TJP3: variants seen among roughly 807,000 people sequenced by gnomAD.
TJP3 encodes tight junction protein 3, also known as tight junction protein ZO-3.
TJP3 carries 85 observed loss-of-function variants against 104.2 expected under a neutral mutation model. That is an observed-to-expected ratio of 0.82 (90% CI 0.68 to 0.98). The LOEUF is 0.98. TJP3 is among the 50% of genes least tolerant of loss of function. The pLI is 0.00. For synonymous variants in TJP3, 550 were observed against 550.6 expected, an observed-to-expected ratio of 1.00 and a Z score of 0.02; for missense variants, 1,367 against 1,322.8, an observed-to-expected ratio of 1.03 and a Z score of -0.52.
Position 3,734,436 on chromosome 19 carries a change from G to A in TJP3, c.986+1G>A, listed in dbSNP as rs201579834. The A allele has an allele frequency of 1.3e-5, 21 of 1,604,082 alleles. No homozygotes were observed. In the East Asian group the frequency reaches 3.6e-4, roughly 27 times the overall value. On this transcript the variant is annotated splice_donor_variant, in intron 8 of 20. Coordinates refer to ENST00000541714, the MANE Select transcript of TJP3 (RefSeq NM_001267560.2). LOFTEE classifies it high-confidence loss of function. ...AGGCCAGCCAGACCGACTCTCCCGT[G>A]TAAGTATCACCCATCGGCCAGAATG...
intron 19 of TJP3, among the ~76,000 whole-genome samples, chr19:3,748,703 G>A (rs2145708844): frequency 6.6e-6 from 1 of 151,118 alleles, no homozygotes; most frequent in East Asian, 1.9e-4. Flanking sequence ...TGAGTAGCTA[G>A]GATTACAGGC....
At position 3,746,995 on chromosome 19, in the gene TJP3, A is replaced by G; in HGVS notation, c.2322+119A>G. The stretch of plus-strand genomic sequence containing the variant: ...TTGGTCAGGGATCAGGACTGTGGCC[A>G]GAGTCAAGATGGGACCTGAGACAAG... On this transcript the variant is annotated intron_variant, in intron 18 of 20. Transcript: ENST00000541714. This position sits in a 1 kb window ranked among gnomAD's most constrained non-coding sequence, Gnocchi z 4.1. 1 of 967,346 alleles carries G rather than the reference A, an allele frequency of 1.0e-6. No individual in the cohort carries two copies. The highest frequency in any genetic ancestry group is 2.1e-5 in the Admixed American group (1 of 47,104). 59.9% of individuals were successfully genotyped at this position (967,346 alleles called of 1,614,324 possible).
intron 1 of TJP3, among the ~76,000 whole-genome samples, chr19:3,713,159 A>G (rs752339425): frequency 6.6e-6 from 1 of 152,028 alleles, no homozygotes; most frequent in Non-Finnish European, 1.5e-5. Context: ...CTTAGGGCTG[A>G]GCCGGCCACA....
intron 8 of TJP3, 90 bp from the exon 9 acceptor site, chr19:3,735,476 G>C (rs1340942306): frequency 3.1e-6 from 4 of 1,306,548 alleles, no homozygotes; most frequent in Non-Finnish European, 3.3e-6. Context: ...TAGGATTACA[G>C]GCATGAACCA....
At chr19:3,750,084 G>A (rs201207259) in intron 19 of TJP3, 54 bp from the exon 20 acceptor site, 1 of 1,611,584 alleles carries the variant, frequency 6.2e-7, no homozygotes, top group African/African-American at 1.3e-5. Flanking sequence ...TATTGATCTC[G>A]ACTCACCATG....
intron 20 of TJP3, 55 bp downstream of exon 20, chr19:3,750,239 C>A (rs533807682): frequency 5.1e-5 from 82 of 1,608,494 alleles, no homozygotes; most frequent in Non-Finnish European, 3.4e-6. Context: ...GGGACTCAGA[C>A]TCTGCGGACT....
intron 11 of TJP3, 125 bp downstream of exon 11, chr19:3,736,446 T>G: frequency 3.0e-6 from 3 of 997,274 alleles, no homozygotes; most frequent in Non-Finnish European, 4.0e-6. Flanking sequence ...AGATGGGTAT[T>G]TGAACATTTC....
At chr19:3,744,557 G>A (rs181027825) in intron 15 of TJP3, among the ~76,000 whole-genome samples, 5 of 151,942 alleles carry the variant, frequency 3.3e-5, no homozygotes, top group African/African-American at 7.2e-5. Context: ...CCAGCTACTC[G>A]GGAGGCTGAG....
intron 1 of TJP3, among the ~76,000 whole-genome samples, chr19:3,718,214 T>TGTGG (rs2036505282): frequency 2.6e-5 from 1 of 38,418 alleles, no homozygotes; most frequent in Non-Finnish European, 4.5e-5. Context: ...AAAAAAAAAG[T>TGTGG]GTGTGTGTGT....
intron 19 of TJP3, 81 bp from the exon 20 acceptor site, chr19:3,750,057 G>A (rs2036969598): frequency 1.9e-6 from 3 of 1,579,908 alleles, no homozygotes; most frequent in Admixed American, 1.7e-5. Flanking sequence ...CAAGGTGGGG[G>A]ATGGGATGGA....
rs55649429 is a variant in TJP3, at chr19:3,711,644, G to C, written c.-10+3083G>C. 4.8e-5 allele frequency among the ~76,000 whole-genome samples: 7 copies of C among 146,936 alleles called. No homozygotes were observed. In the East Asian group the frequency reaches 1.5e-3, roughly 31 times the overall value. On this transcript the variant is annotated intron_variant, in intron 1 of 20. Coordinates refer to ENST00000541714, the MANE Select transcript of TJP3 (RefSeq NM_001267560.2). ...GCGGTGGCTCACGCCTGTAATCCCA[G>C]CACTTTGGGAGGCCGAGACGGGTGG... is the stretch of plus-strand genomic sequence containing the variant.
At chr19:3,732,101 A>AAC in intron 6 of TJP3, 63 bp downstream of exon 6, 1 of 1,379,898 alleles carries the variant, frequency 7.2e-7, no homozygotes, top group Non-Finnish European at 1.0e-6. Flanking sequence ...GGGCAGTCCC[A>AAC]CGGAGTCATA....
In TJP3 at chr19:3,750,221, C is replaced by T. The variant is rs151081879; in HGVS notation, c.2657+37C>T. ...ATATTCCAGATTGGGGCCCTCAACC[C>T]TTCCCTTGGGACTCAGACTCTGCGG... On this transcript the variant is annotated intron_variant, in intron 20 of 20. Transcript: ENST00000541714. The T allele has an allele frequency of 8.3e-4, 1,340 of 1,613,666 alleles. 21 individuals carry two copies. In the East Asian group the frequency reaches 0.022, roughly 26 times the overall value.
At position 3,736,249 on chromosome 19, in the gene TJP3, C is replaced by G; in HGVS notation, c.1212C>G (p.Ile404Met). ...TGGCAGGGGGCAATGACGTGGGCAT[C>G]TTCGTGTCCGGGGTGCAGGCGGGCA... is the stretch of plus-strand genomic sequence containing the variant. ...LRLAGGNDVG[I>M]FVSGVQAGSP... The change falls in exon 11 of 21, where the codon ATC (isoleucine) becomes ATG (methionine). Residue 404 changes from isoleucine (I) to methionine (M), a missense_variant. Coordinates refer to ENST00000541714, the MANE Select transcript of TJP3 (RefSeq NM_001267560.2). 1 of 1,569,742 alleles carries G rather than the reference C, an allele frequency of 6.4e-7. No individual in the cohort carries two copies. The highest frequency in any genetic ancestry group is 8.6e-7 in the Non-Finnish European group (1 of 1,158,598).
intron 1 of TJP3, among the ~76,000 whole-genome samples, chr19:3,716,807 T>A (rs1158563202): frequency 3.9e-5 from 5 of 127,580 alleles, no homozygotes; most frequent in African/African-American, 1.5e-4. Flanking sequence ...ATATATTTTT[T>A]TTTTTTTTTT....
chr19:3,734,905 G>C (rs2036719174), intron 8 of TJP3, among the ~76,000 whole-genome samples: 1 of 152,154 alleles, frequency 6.6e-6, no homozygotes, highest in African/African-American at 2.4e-5. Context: ...AGTGAGCCGA[G>C]ATCGTGTCAT....
chr19:3,735,726 C>A, intron 9 of TJP3, 87 bp downstream of exon 9: 1 of 1,596,198 alleles, frequency 6.3e-7, no homozygotes, highest in Non-Finnish European at 8.6e-7. Context: ...GGGAGGTTGG[C>A]CTGAGCCTAA....
intron 1 of TJP3, among the ~76,000 whole-genome samples, chr19:3,721,032 C>T (rs1169633822): frequency 6.6e-6 from 1 of 151,782 alleles, no homozygotes; most frequent in African/African-American, 2.4e-5. Context: ...CTCAGCCTCC[C>T]GAGTAGCTGA....
chr19:3,734,164 G>A (rs1240262975), intron 7 of TJP3, 163 bp from the exon 8 acceptor site: 7 of 880,050 alleles, frequency 8.0e-6, no homozygotes, highest in African/African-American at 1.7e-5. Context: ...TGGGATTATA[G>A]GCGTGAGCCA....
Sources: gnomAD v4.1 joint callset for allele counts (sites outside exome capture counted in the v4.1 genomes callset) on GRCh38, gnomAD v4.1.1 for gene constraint, Gnocchi (gnomAD v3.1) non-coding constraint, MANE v1.5 for transcripts, NCBI Gene and HGNC (gene_info 2026-07-23, HGNC 2026-07-21) for gene names.